The following SYNPO variants were observed in gnomAD, a reference collection of about 807,000 sequenced individuals.
The protein encoded by SYNPO is synaptopodin.
Under a neutral mutation model 49.5 loss-of-function variants are expected in SYNPO, and 19 were observed. The observed-to-expected ratio is 0.38, with a 90% CI of 0.27 to 0.56. The LOEUF is 0.56. Among genes scored for constraint, SYNPO ranks in the 20% least tolerant of loss-of-function variants. The probability of loss-of-function intolerance (pLI) is 0.68; values close to 1 mark genes in which losing one functional copy is unlikely to be tolerated. For synonymous variants in SYNPO, 536 were observed against 548.0 expected (o/e 0.98, Z 0.31); for missense variants, 1,131 against 1,248.3 (o/e 0.91, Z 1.42).
chr5:150,642,162 C>T (rs1757932217), intron 1 of SYNPO, among the ~76,000 whole-genome samples: 1 of 152,250 alleles, frequency 6.6e-6, no homozygotes, highest in Admixed American at 6.5e-5. Context: ...GCCTGGGCTG[C>T]AGCAGGGGCT....
Position 150,648,856 on chromosome 5 carries a change from T to C in SYNPO, c.581T>C (p.Ile194Thr). 6.2e-7 allele frequency: 1 copy of C among 1,614,208 alleles called. No individual in the cohort carries two copies. The highest frequency in any genetic ancestry group is 8.5e-7 in the Non-Finnish European group (1 of 1,180,026). Residue 194 changes from isoleucine (I) to threonine (T), a missense_variant, in exon 2 of 3, where the codon ATT becomes ACT. By Grantham distance (89) the Ile-to-Thr change is moderately conservative. Transcript: ENST00000307662. The surrounding 1 kb of genome is among the most constrained non-coding windows in gnomAD (Gnocchi z 5.0). Reference protein sequence around the residue: ...ASDFMSSSLLIDIQPNTLVVS... With the variant: ...ASDFMSSSLLTDIQPNTLVVS... ...GATTTCATGTCCAGCTCCCTGCTCA[T>C]TGACATCCAGCCCAACACCCTAGTG...
upstream of SYNPO, among the ~76,000 whole-genome samples, chr5:150,636,766 C>G (rs1757729356): frequency 1.4e-5 from 2 of 138,700 alleles, no homozygotes; most frequent in South Asian, 4.5e-4. Context: ...CTAGAAGTGA[C>G]ATGGGGATCC....
At chr5:150,594,925 G>A in the SYNPO span, among the ~76,000 whole-genome samples, 1 of 152,216 alleles carries the variant, frequency 6.6e-6, no homozygotes, top group South Asian at 2.1e-4. Flanking sequence ...GGATGCTGTG[G>A]AAGGAGGTCA....
At chr5:150,618,486 G>A (rs564315554) in exon 2 of SYNPO, 3 of 1,551,592 alleles carry the variant, frequency 1.9e-6, no homozygotes, top group African/African-American at 1.4e-5. Flanking sequence ...GCCGAGGAGA[G>A]CAGCGGTGAG....
At chr5:150,650,896 G>C (rs577355352) in intron 2 of SYNPO, 2 of 1,257,944 alleles carry the variant, frequency 1.6e-6, no homozygotes, top group African/African-American at 1.6e-5. Context: ...TTTCCTCTCC[G>C]CTGCTTCAGA....
upstream of SYNPO, among the ~76,000 whole-genome samples, chr5:150,600,656 G>C (rs1756505164): frequency 6.6e-6 from 1 of 152,168 alleles, no homozygotes; most frequent in Admixed American, 6.5e-5. Context: ...CCAGGGGCTT[G>C]CTTCCCACAA....
chr5:150,640,636 G>A (rs1757869525), upstream of SYNPO: 5 of 985,582 alleles, frequency 5.1e-6, no homozygotes, highest in Non-Finnish European at 6.0e-6. Context: ...CCATTTAAAA[G>A]GCTGTTGCAA....
chr5:150,657,037 C>T lies in SYNPO; in HGVS notation c.2662C>T (p.Leu888Phe). Residue 888 changes from leucine (L) to phenylalanine (F), a missense_variant, in exon 3 of 3, where the codon CTT becomes TTT. This residue lies in a region of SYNPO where 509 missense variants were observed against 484.5 expected (regional missense o/e 1.05). Coordinates refer to ENST00000307662, the MANE Select transcript of SYNPO (RefSeq NM_007286.6). Reference protein sequence around the residue: ...NICPRGWNGSLRLKRGSLPAE... With the variant: ...NICPRGWNGSFRLKRGSLPAE... ...CTGTCCCCGCGGGTGGAATGGCAGC[C>T]TTCGGCTCAAGCGTGGCAGCCTCCC... 6.2e-7 allele frequency: 1 copy of T among 1,602,858 alleles called. No individual in the cohort carries two copies. The highest frequency in any genetic ancestry group is 8.5e-7 in the Non-Finnish European group (1 of 1,175,886).
At chr5:150,626,780 A>G (rs2151381667) in intron 2 of SYNPO, among the ~76,000 whole-genome samples, 1 of 152,242 alleles carries the variant, frequency 6.6e-6, no homozygotes, top group South Asian at 2.1e-4. Flanking sequence ...GGAGGGGAAG[A>G]GGTTTGCACA....
the SYNPO span, among the ~76,000 whole-genome samples, chr5:150,589,054 G>A: frequency 7.3e-6 from 1 of 136,116 alleles, no homozygotes. Context: ...TCCAGTGTAT[G>A]CTTTATAGAT....
chr5:150,635,300 C>T (rs966248781), intron 2 of SYNPO, among the ~76,000 whole-genome samples: 18 of 152,244 alleles, frequency 1.2e-4, no homozygotes, highest in African/African-American at 4.1e-4. Flanking sequence ...AGCAGCACCT[C>T]TGTGTGTGGG....
chr5:150,601,118 G>C (rs1462478085), exon 1 of SYNPO: 2 of 152,730 alleles, frequency 1.3e-5, no homozygotes, highest in Non-Finnish European at 2.9e-5. Flanking sequence ...GCGGCGGGCA[G>C]CCGGGCAGCC....
At chr5:150,639,561 C>G (rs1476930846), upstream of SYNPO, among the ~76,000 whole-genome samples, 1 of 152,166 alleles carries the variant, frequency 6.6e-6, no homozygotes, top group South Asian at 2.1e-4. Flanking sequence ...TCAGTCAGAC[C>G]GCAGGGGCCC....
At chr5:150,652,321 A>G (rs1252341175) in intron 2 of SYNPO, 4 of 992,504 alleles carry the variant, frequency 4.0e-6, no homozygotes, top group African/African-American at 1.7e-5. Context: ...CATGTTCTCA[A>G]TACACTCTGC....
At chr5:150,617,406 C>G (rs1257122109) in intron 1 of SYNPO, among the ~76,000 whole-genome samples, 1 of 152,182 alleles carries the variant, frequency 6.6e-6, no homozygotes, top group East Asian at 1.9e-4. Flanking sequence ...AGCGATTCTC[C>G]TGCCTCAGCC....
chr5:150,647,893 CT>C, intron 1 of SYNPO, 50 bp from the exon 2 acceptor site: 1 of 1,507,700 alleles, frequency 6.6e-7, no homozygotes, highest in Non-Finnish European at 9.0e-7. Context: ...CCGTGCACCC[CT>C]GTGTCACTGC....
chr5:150,617,997 C>T (rs1314419934), intron 1 of SYNPO: 5 of 177,990 alleles, frequency 2.8e-5, no homozygotes, highest in Non-Finnish European at 4.7e-5. Context: ...CCCCAAATGC[C>T]GACCAGTTCT....
At chr5:150,598,770 T>A (rs1482347934), upstream of SYNPO, among the ~76,000 whole-genome samples, 1 of 152,120 alleles carries the variant, frequency 6.6e-6, no homozygotes, top group East Asian at 1.9e-4. Context: ...ACTCATGGAC[T>A]TTCCACATCA....
At chr5:150,592,373 C>T in the SYNPO span, among the ~76,000 whole-genome samples, 1 of 151,992 alleles carries the variant, frequency 6.6e-6, no homozygotes, top group African/African-American at 2.4e-5. Context: ...ATCTGGCAAC[C>T]CCACCCTCAA....
Sources: gnomAD v4.1 joint callset for allele counts (sites outside exome capture counted in the v4.1 genomes callset) on GRCh38, gnomAD v4.1.1 for gene constraint, gnomAD v4.1.1 regional missense constraint, Gnocchi (gnomAD v3.1) non-coding constraint, MANE v1.5 for transcripts, NCBI Gene and HGNC (gene_info 2026-07-23, HGNC 2026-07-21) for gene names.